The following EPHA5 variants were observed in gnomAD, a reference collection of about 807,000 sequenced individuals.
The protein encoded by EPHA5 is ephrin type-A receptor 5.
A neutral mutation model predicts 105.0 loss-of-function variants in EPHA5; 60 were observed. That is an observed-to-expected ratio of 0.57 (90% CI 0.46 to 0.71). The LOEUF (loss-of-function observed/expected upper bound fraction) is 0.71. EPHA5 is among the 30% of genes least tolerant of loss of function. EPHA5 has a pLI of 0.00. For missense variants in EPHA5, 1,218 were observed against 1,274.7 expected (o/e 0.96, Z 0.68); for synonymous variants, 513 against 449.1 (o/e 1.14, Z -1.80).
At chr4:65,407,847 C>A (rs1722512388) in intron 7 of EPHA5, among the ~76,000 whole-genome samples, 2 of 151,848 alleles carry the variant, frequency 1.3e-5, no homozygotes. Context: ...CCTCTGCTGC[C>A]AGGGCTCATG....
At chr4:65,404,804 C>T (rs1357034711) in intron 7 of EPHA5, among the ~76,000 whole-genome samples, 1 of 152,080 alleles carries the variant, frequency 6.6e-6, no homozygotes, top group Non-Finnish European at 1.5e-5. Flanking sequence ...CCTTTATTGA[C>T]TTCAAACACC....
At chr4:65,461,039 A>G (rs1404155224) in intron 5 of EPHA5, among the ~76,000 whole-genome samples, 1 of 151,926 alleles carries the variant, frequency 6.6e-6, no homozygotes, top group African/African-American at 2.4e-5. Context: ...AATATTCCAC[A>G]TGATCACTAC....
intron 2 of EPHA5, among the ~76,000 whole-genome samples, chr4:65,624,508 C>T (rs1005293915): frequency 3.3e-5 from 5 of 152,210 alleles, no homozygotes; most frequent in African/African-American, 9.6e-5. Flanking sequence ...AAAATAAATC[C>T]TATTGTTATA....
chr4:65,362,187 A>T (rs143560434), intron 11 of EPHA5, among the ~76,000 whole-genome samples: 22 of 151,690 alleles, frequency 1.5e-4, no homozygotes, highest in African/African-American at 5.3e-4. Flanking sequence ...GGCATGTGAT[A>T]GTGAAAAGAT....
chr4:65,599,220 G>A (rs1743471917), intron 3 of EPHA5, among the ~76,000 whole-genome samples: 1 of 151,988 alleles, frequency 6.6e-6, no homozygotes, highest in African/African-American at 2.4e-5. Flanking sequence ...GGAAAGAGAT[G>A]AGAGAAATGA....
chr4:65,597,779 T>C (rs1197616798), intron 3 of EPHA5, among the ~76,000 whole-genome samples: 1 of 152,122 alleles, frequency 6.6e-6, no homozygotes, highest in Non-Finnish European at 1.5e-5. Flanking sequence ...TAAAGAAAGT[T>C]AAATGAGAGG....
At chr4:65,467,906 T>G (rs1409391846) in intron 5 of EPHA5, among the ~76,000 whole-genome samples, 1 of 152,186 alleles carries the variant, frequency 6.6e-6, no homozygotes, top group Non-Finnish European at 1.5e-5. Flanking sequence ...CCATCATTGC[T>G]AGCTTTGAAG....
chr4:65,608,019 C>T (rs2149451784), intron 2 of EPHA5, among the ~76,000 whole-genome samples: 1 of 152,242 alleles, frequency 6.6e-6, no homozygotes, highest in Middle Eastern at 3.4e-3. Flanking sequence ...ACGATGAGTT[C>T]ATGTCCTTTT....
At chr4:65,556,683 A>G (rs1016000853) in intron 3 of EPHA5, among the ~76,000 whole-genome samples, 8 of 152,132 alleles carry the variant, frequency 5.3e-5, no homozygotes. Context: ...TTTAGTGTTA[A>G]TGCTATTTTC....
At position 65,323,497 on chromosome 4, in the gene EPHA5, AAC is replaced by A. The variant is rs1261806330; in HGVS notation, c.*615_*616del. 2.2e-5 allele frequency: 5 copies of A among 230,100 alleles called. No individual in the cohort carries two copies. The highest frequency in any genetic ancestry group is 5.7e-5 in the Admixed American group (1 of 17,594). 14.3% of individuals were successfully genotyped at this position (230,100 alleles called of 1,614,324 possible). A position where few individuals can be genotyped will look rare whatever the true frequency, so the allele number is the denominator to read the frequency against. ...AAGAGCAACTAAAAGTAAACTTTAT[AAC>A]ACAAAAAATAAATATACACCCTGTA... On this transcript the variant is annotated 3_prime_UTR_variant, in exon 17 of 17. Coordinates refer to ENST00000613740, the MANE Select transcript of EPHA5 (RefSeq NM_001281766.3).
intron 4 of EPHA5, among the ~76,000 whole-genome samples, chr4:65,492,448 C>G (rs928508527): frequency 4.6e-5 from 7 of 151,210 alleles, no homozygotes; most frequent in African/African-American, 1.7e-4. Context: ...GTGATCCACC[C>G]GCCTGGGCCT....
At chr4:65,465,166 G>A (rs956004880) in intron 5 of EPHA5, among the ~76,000 whole-genome samples, 10 of 152,086 alleles carry the variant, frequency 6.6e-5, no homozygotes, top group South Asian at 6.2e-4. Flanking sequence ...AGCCAGGAGC[G>A]GTGGCTCACA....
intron 3 of EPHA5, among the ~76,000 whole-genome samples, chr4:65,535,156 G>A (rs866638392): frequency 6.6e-6 from 1 of 152,080 alleles, no homozygotes; most frequent in Non-Finnish European, 1.5e-5. Context: ...TAATTAATTT[G>A]TTTTATCATT....
intron 8 of EPHA5, among the ~76,000 whole-genome samples, chr4:65,383,412 C>G (rs940681715): frequency 5.3e-5 from 8 of 151,660 alleles, no homozygotes; most frequent in Non-Finnish European, 7.4e-5. Flanking sequence ...AAAATCTTTC[C>G]TGTATTTCTT....
chr4:65,336,006 A>G lies in EPHA5; in HGVS notation c.2715T>C (p.Asp905=). 6.2e-7 allele frequency: 1 copy of G among 1,613,276 alleles called. No homozygotes were observed. Among genetic ancestry groups the G allele is most frequent in the South Asian group, 1.1e-5 (1 of 91,052 alleles). Residue 905 remains aspartate (D), a synonymous_variant, in exon 15 of 17, where the codon GAT becomes GAC. Transcript: ENST00000613740. ...GCTTGTCCAACATGTTGACTATTTCATCAAACTTGGGCCTGCTATTTCGCT... is the reference window on the plus strand; with the variant it reads ...GCTTGTCCAACATGTTGACTATTTCGTCAAACTTGGGCCTGCTATTTCGCT... ...QKERNSRPKF[D]EIVNMLDKLI... is the part of the protein sequence containing the mutation.
chr4:65,660,342 T>C (rs1293705485), intron 1 of EPHA5, among the ~76,000 whole-genome samples: 1 of 152,138 alleles, frequency 6.6e-6, no homozygotes, highest in Non-Finnish European at 1.5e-5. Context: ...GATAATGTCA[T>C]GTGGTTGGTT....
At chr4:65,339,986 T>G (rs1242739400) in intron 14 of EPHA5, among the ~76,000 whole-genome samples, 1 of 152,206 alleles carries the variant, frequency 6.6e-6, no homozygotes, top group Non-Finnish European at 1.5e-5. Context: ...TTATGTTATT[T>G]CAAGAACTTT....
At chr4:65,533,908 G>T (rs1736054622) in intron 3 of EPHA5, among the ~76,000 whole-genome samples, 1 of 151,772 alleles carries the variant, frequency 6.6e-6, no homozygotes, top group South Asian at 2.1e-4. Context: ...ACTCCAGCCT[G>T]GGTGACAGAG....
intron 7 of EPHA5, among the ~76,000 whole-genome samples, chr4:65,408,864 C>G (rs1722632356): frequency 6.6e-6 from 1 of 151,972 alleles, no homozygotes; most frequent in South Asian, 2.1e-4. Context: ...GACTATAAAT[C>G]ATGCTGCTAT....
Sources: allele counts gnomAD v4.1 joint callset (sites outside exome capture counted in the v4.1 genomes callset), GRCh38; gene constraint gnomAD v4.1.1; transcripts MANE v1.5; gene names NCBI Gene and HGNC (gene_info 2026-07-23, HGNC 2026-07-21).